The following RNF115 variants were observed in gnomAD, a reference collection of about 807,000 sequenced individuals.
The protein encoded by RNF115 is ring finger protein 115, also known as E3 ubiquitin-protein ligase RNF115.
Under a neutral mutation model 39.2 loss-of-function variants are expected in RNF115, and 31 were observed. The observed-to-expected ratio is 0.79, with a 90% CI of 0.59 to 1.07. The LOEUF is 1.07. Ranked by LOEUF, RNF115 falls within the 50% of genes least tolerant of loss-of-function variation. The pLI, the probability that RNF115 is intolerant of heterozygous loss-of-function variation, is 0.00. For synonymous variants in RNF115, 124 were observed against 131.0 expected, an observed-to-expected ratio of 0.95 and a Z score of 0.37; for missense variants, 384 against 381.7, an observed-to-expected ratio of 1.01 and a Z score of -0.05.
At chr1:145,808,904 G>A (rs138187968) in intron 1 of RNF115, among the ~76,000 whole-genome samples, 1 of 152,120 alleles carries the variant, frequency 6.6e-6, no homozygotes, top group Non-Finnish European at 1.5e-5. Context: ...ACCTAAATTA[G>A]AAAAGATTCT....
intron 8 of RNF115, among the ~76,000 whole-genome samples, chr1:145,747,265 C>T (rs1402047646): frequency 6.6e-6 from 1 of 152,152 alleles, no homozygotes; most frequent in Non-Finnish European, 1.5e-5. Context: ...CAGAACGAAC[C>T]AGAAACAGTG....
chr1:145,759,758 T>G (rs1658431434), intron 4 of RNF115, among the ~76,000 whole-genome samples: 1 of 152,094 alleles, frequency 6.6e-6, no homozygotes, highest in African/African-American at 2.4e-5. Context: ...CCAACTAGGC[T>G]TCATATAATC....
At chr1:145,766,420 T>C (rs376529751) in intron 4 of RNF115, among the ~76,000 whole-genome samples, 10 of 152,056 alleles carry the variant, frequency 6.6e-5, no homozygotes, top group Non-Finnish European at 1.3e-4. Context: ...GGCAACCATC[T>C]GATTTCTCAA....
intron 3 of RNF115, chr1:145,773,204 C>G (rs1647719071): frequency 6.6e-6 from 1 of 152,132 alleles, no homozygotes; most frequent in Non-Finnish European, 1.5e-5. Flanking sequence ...AGTATTAGTG[C>G]TTCCTCGGGG....
At chr1:145,767,788 C>T (rs1647425416) in intron 4 of RNF115, among the ~76,000 whole-genome samples, 1 of 152,270 alleles carries the variant, frequency 6.6e-6, no homozygotes, top group Non-Finnish European at 1.5e-5. Flanking sequence ...CCGGCCAACA[C>T]AGCGAAACCC....
chr1:145,819,952 C>T (rs1650161753), intron 1 of RNF115, among the ~76,000 whole-genome samples: 1 of 151,248 alleles, frequency 6.6e-6, no homozygotes, highest in South Asian at 2.1e-4. Flanking sequence ...GCACGAGAAT[C>T]GCTTGAACCC....
At position 145,741,295 on chromosome 1, in the gene RNF115, G is replaced by C. The variant is rs782540664; in HGVS notation, c.*5571C>G. The C allele has an allele frequency of 1.3e-5, 2 of 152,200 alleles. No homozygotes were observed. Among genetic ancestry groups the C allele is most frequent in the Non-Finnish European group, 2.9e-5 (2 of 68,040 alleles). The allele number at this position is 152,200 out of a possible 1,614,324, so 9.4% of individuals were successfully genotyped here. On this transcript the variant is annotated 3_prime_UTR_variant, in exon 9 of 9. Transcript: ENST00000582693. The stretch of plus-strand genomic sequence containing the variant: ...TACACTTCTGTGGACACCAAGTGTA[G>C]TGTGGCAGGAAAACATAAAGTTTGC...
chr1:145,773,887 G>A (rs766960007), intron 3 of RNF115: 5 of 152,032 alleles, frequency 3.3e-5, no homozygotes, highest in African/African-American at 7.3e-5. Context: ...AATCCCTCAG[G>A]AGGAAGAGTG....
chr1:145,791,243 T>C (rs1648652005), intron 1 of RNF115, among the ~76,000 whole-genome samples: 1 of 151,864 alleles, frequency 6.6e-6, no homozygotes, highest in Non-Finnish European at 1.5e-5. Flanking sequence ...CCAGGTGTGG[T>C]GGCTCATGCC....
Position 145,788,960 on chromosome 1 carries a change from T to C in RNF115, c.109A>G (p.Ile37Val), listed in dbSNP as rs1553718532. 10 of 1,585,646 alleles carry C rather than the reference T, an allele frequency of 6.3e-6. No homozygotes were observed. Among genetic ancestry groups the C allele is most frequent in the South Asian group, 4.4e-5 (4 of 90,456 alleles). Residue 37 changes from isoleucine to valine, a missense_variant, in exon 2 of 9, where the codon ATA (isoleucine) becomes GTA (valine). Ile to Val is a conservative substitution (Grantham distance 29). Transcript: ENST00000582693. Reference sequence around the variant, plus strand: ...AAGCCTGATTCACATCTGGGACATATATATTCCTATAAAAGAAAGGAAGAA... The same window carrying C: ...AAGCCTGATTCACATCTGGGACATACATATTCCTATAAAAGAAAGGAAGAA... ...GEVSPKLPEY[I>V]CPRCESGFIE...
chr1:145,791,293 C>T (rs183092473), intron 1 of RNF115, among the ~76,000 whole-genome samples: 1 of 151,374 alleles, frequency 6.6e-6, no homozygotes, highest in African/African-American at 2.4e-5. Flanking sequence ...AGGCAGATCA[C>T]CTGAGGTCGG....
intron 3 of RNF115, chr1:145,772,147 T>A (rs1223136921): frequency 6.7e-6 from 3 of 449,046 alleles, no homozygotes; most frequent in African/African-American, 5.9e-5. Context: ...GTTGTAGCAA[T>A]TTAAACACCC....
intron 1 of RNF115, among the ~76,000 whole-genome samples, chr1:145,811,883 CAAAAAAAAA>C (rs67086842): frequency 0.05 from 1,797 of 35,852 alleles, 14 homozygotes; most frequent in African/African-American, 0.12. Flanking sequence ...TTCTGTCTCA[CAAAAAAAAA>C]AAAAAAAAAA....
At chr1:145,761,164 C>T (rs587764398) in intron 4 of RNF115, among the ~76,000 whole-genome samples, 2 of 152,264 alleles carry the variant, frequency 1.3e-5, no homozygotes, top group Admixed American at 6.5e-5. Context: ...ATAAGGGAAG[C>T]AGAGCATAAA....
At chr1:145,766,573 G>A (rs1459756787) in intron 4 of RNF115, among the ~76,000 whole-genome samples, 40 of 148,696 alleles carry the variant, frequency 2.7e-4, no homozygotes, top group East Asian at 1.8e-3. Context: ...AGGGGCGGCC[G>A]GGCAGAGGCG....
rs1478265905 is a variant in RNF115, at chr1:145,740,838, A to G, written c.*6028T>C. The G allele has an allele frequency of 2.6e-5, 4 of 152,134 alleles. No individual in the cohort carries two copies. The highest frequency in any genetic ancestry group is 7.2e-5 in the African/African-American group (3 of 41,442). 9.4% of individuals were successfully genotyped at this position (152,134 alleles called of 1,614,324 possible). A position where few individuals can be genotyped will look rare whatever the true frequency, so the allele number is the denominator to read the frequency against. ...TATCAAGTTGTTGGAAGGGAATCTA[A>G]TAATTTGGGGGTTTTTGTTTTGAGA... On this transcript the variant is annotated 3_prime_UTR_variant, in exon 9 of 9. Coordinates refer to ENST00000582693, the MANE Select transcript of RNF115 (RefSeq NM_014455.4).
chr1:145,750,274 G>C (rs1395149325), intron 7 of RNF115, 133 bp downstream of exon 7: 1 of 697,970 alleles, frequency 1.4e-6, no homozygotes, highest in African/African-American at 1.8e-5. Context: ...AATATAGGAA[G>C]GTATTGGGAT....
At chr1:145,775,020 G>A (rs1206532996) in intron 3 of RNF115, among the ~76,000 whole-genome samples, 2 of 152,168 alleles carry the variant, frequency 1.3e-5, no homozygotes, top group African/African-American at 2.4e-5. Flanking sequence ...GCCAAGGCAG[G>A]AGGATCGCTT....
rs587717072 is a variant in RNF115 at position 145,819,588 on chromosome 1, C to G, written c.102+4184G>C. ...ATTATTCCAAAAAATCGAGGAGGGA[C>G]TCTTCCCTAACCCATTCCATGAGGC... On this transcript the variant is annotated intron_variant, in intron 1 of 8. Transcript: ENST00000582693. 2.3e-3 allele frequency among the ~76,000 whole-genome samples: 354 copies of G among 152,296 alleles called. 4 individuals carry two copies. The Middle Eastern group carries it at 0.034, about 15-fold the overall frequency.
Sources: gnomAD v4.1 joint callset for allele counts (sites outside exome capture counted in the v4.1 genomes callset) on GRCh38, gnomAD v4.1.1 for gene constraint, MANE v1.5 for transcripts, NCBI Gene and HGNC (gene_info 2026-07-23, HGNC 2026-07-21) for gene names.